SMC2: variants seen among roughly 807,000 people sequenced by gnomAD.
The protein encoded by SMC2 is structural maintenance of chromosomes 2.
A neutral mutation model predicts 142.6 loss-of-function variants in SMC2; 41 were observed. The ratio of observed to expected loss-of-function variants is 0.29; its 90% CI spans 0.22 to 0.37. The LOEUF (loss-of-function observed/expected upper bound fraction) is 0.37. Among genes scored for constraint, SMC2 ranks in the 10% least tolerant of loss-of-function variants. The pLI, the probability that SMC2 is intolerant of heterozygous loss-of-function variation, is 1.00. For missense variants in SMC2, 1,265 were observed against 1,373.7 expected (o/e 0.92, Z 1.25); for synonymous variants, 463 against 457.5 (o/e 1.01, Z -0.15).
At position 104,126,884 on chromosome 9, in the gene SMC2, C is replaced by T. The variant is rs1834356781; in HGVS notation, c.2595+100C>T. Reference sequence around the variant, plus strand: ...CTTTAGTGTTCTCAGTCTTTTCACTCGTCATCATGAGAGAATGAGGCACAA... The same window carrying T: ...CTTTAGTGTTCTCAGTCTTTTCACTTGTCATCATGAGAGAATGAGGCACAA... On this transcript the variant is annotated intron_variant, in intron 19 of 24. Transcript: ENST00000374793. 8 of 1,176,160 alleles carry T rather than the reference C, an allele frequency of 6.8e-6. No individual in the cohort carries two copies. In the Admixed American group the frequency reaches 7.3e-5, roughly 11 times the overall value. 72.9% of individuals were successfully genotyped at this position (1,176,160 alleles called of 1,614,324 possible). A position where few individuals can be genotyped will look rare whatever the true frequency, so the allele number is the denominator to read the frequency against.
chr9:104,137,832 A>AAGAAATAT (rs1835716956), intron 23 of SMC2, among the ~76,000 whole-genome samples, 186 bp from the exon 24 acceptor site: 1 of 142,970 alleles, frequency 7.0e-6, no homozygotes, highest in African/African-American at 3.1e-5. Flanking sequence ...GGAAAGCTAA[A>AAGAAATAT]ATAAAAGAAA....
At position 104,116,226 on chromosome 9, in the gene SMC2, G is replaced by C. The variant is rs374741734; in HGVS notation, c.1698G>C (p.Arg566Ser). The stretch of plus-strand genomic sequence containing the variant: ...TTACTGGTAAAAAGCTACTAGAAAG[G>C]GGGGAACTGAAACGTCGATACACTA... ...TEVTGKKLLE[R>S]GELKRRYTII... The change falls in exon 14 of 25, where the codon AGG becomes AGC. Residue 566 changes from arginine to serine, a missense_variant. Physicochemically the swap from Arg to Ser is moderately radical, Grantham distance 110 (BLOSUM62 -1). Transcript: ENST00000374793. 18 of 1,603,030 alleles carry C rather than the reference G, an allele frequency of 1.1e-5. No individual in the cohort carries two copies. The highest frequency in any genetic ancestry group is 2.3e-5 in the East Asian group (1 of 44,398).
intron 3 of SMC2, 132 bp from the exon 4 acceptor site, chr9:104,098,314 A>G (rs1405070794): frequency 1.1e-5 from 7 of 654,532 alleles, no homozygotes; most frequent in Admixed American, 8.0e-5. Flanking sequence ...TACTTGTTCC[A>G]CTATTTATGC....
chr9:104,118,803 A>G (rs1477718092), intron 15 of SMC2, among the ~76,000 whole-genome samples: 1 of 152,210 alleles, frequency 6.6e-6, no homozygotes, highest in Non-Finnish European at 1.5e-5. Flanking sequence ...GTCACATTTC[A>G]AGAGCCCATA....
chr9:104,118,167 A>G lies in SMC2; in HGVS notation c.1792-4A>G. ...ACTGTGGCATATCTGTTGTTGTCCC[A>G]CAGGTTGGCCCTGACAACGTTCATG... is the stretch of plus-strand genomic sequence containing the variant. On this transcript the variant is annotated splice_region_variant and splice_polypyrimidine_tract_variant and intron_variant, in intron 14 of 24. Coordinates refer to ENST00000374793, the MANE Select transcript of SMC2 (RefSeq NM_006444.3). 1 of 1,613,310 alleles carries G rather than the reference A, an allele frequency of 6.2e-7. No individual in the cohort carries two copies. The highest frequency in any genetic ancestry group is 8.5e-7 in the Non-Finnish European group (1 of 1,179,354).
chr9:104,127,163 A>G lies in SMC2; in HGVS notation c.2596-123A>G, dbSNP rs557032509. On this transcript the variant is annotated intron_variant, in intron 19 of 24. Coordinates refer to ENST00000374793, the MANE Select transcript of SMC2 (RefSeq NM_006444.3). ...GATATAAAATATAGAGGGTTAGGTG[A>G]TCATCTCTCTGCCTGTAATCACATT... 7.3e-6 allele frequency: 5 copies of G among 685,156 alleles called. No homozygotes were observed. In the South Asian group the frequency reaches 9.9e-5, roughly 14 times the overall value. The allele number at this position is 685,156 out of a possible 1,614,324, so 42.4% of individuals were successfully genotyped here.
intron 21 of SMC2, among the ~76,000 whole-genome samples, 174 bp from the exon 22 acceptor site, chr9:104,131,835 C>T (rs1835009109): frequency 6.6e-6 from 1 of 151,622 alleles, no homozygotes; most frequent in Non-Finnish European, 1.5e-5. Context: ...ACACATCATA[C>T]AGTATATGTA....
At chr9:104,094,526 GGCGGGA>G in intron 1 of SMC2, 49 bp downstream of exon 1, 1 of 96,538 alleles carries the variant, frequency 1.0e-5, no homozygotes, top group Non-Finnish European at 2.3e-5. Context: ...CAGACTTCCT[GGCGGGA>G]GGCGGGAGGC....
At chr9:104,136,517 A>G (rs75204626) in intron 23 of SMC2, among the ~76,000 whole-genome samples, 8,534 of 151,968 alleles carry the variant, frequency 0.056, 639 homozygotes, top group African/African-American at 0.18. Flanking sequence ...AATTATTTCC[A>G]TAATTAAGAT....
chr9:104,116,400 C>A, intron 14 of SMC2, 81 bp downstream of exon 14: 3 of 1,321,696 alleles, frequency 2.3e-6, no homozygotes, highest in South Asian at 1.5e-5. Flanking sequence ...TTTTGAGGGA[C>A]ATAATCATAT....
chr9:104,094,110 A>T, upstream of SMC2: 1 of 346,852 alleles, frequency 2.9e-6, no homozygotes. Flanking sequence ...GTGTGAACAT[A>T]CACTATCTGC....
At position 104,111,932 on chromosome 9, in the gene SMC2, G is replaced by A. The variant is rs145645432; in HGVS notation, c.1254+118G>A. On this transcript the variant is annotated intron_variant, in intron 10 of 24. Coordinates refer to ENST00000374793, the MANE Select transcript of SMC2 (RefSeq NM_006444.3). The stretch of plus-strand genomic sequence containing the variant: ...ATAATCAGTCTCAAGGAACTTGTTT[G>A]TTTACTTTATTCTGCAACTCTAATG... The A allele has an allele frequency of 2.8e-4, 205 of 733,930 alleles. No individual in the cohort carries two copies. In the African/African-American group the frequency reaches 3.3e-3, roughly 12 times the overall value. 45.5% of individuals were successfully genotyped at this position (733,930 alleles called of 1,614,324 possible).
chr9:104,131,006 G>A (rs1477918211), intron 21 of SMC2, among the ~76,000 whole-genome samples: 1 of 152,178 alleles, frequency 6.6e-6, no homozygotes, highest in Non-Finnish European at 1.5e-5. Context: ...AAGGTTAGGG[G>A]AGCGTGGCTG....
At chr9:104,137,271 T>G (rs1259378386) in intron 23 of SMC2, among the ~76,000 whole-genome samples, 1 of 152,132 alleles carries the variant, frequency 6.6e-6, no homozygotes, top group East Asian at 1.9e-4. Flanking sequence ...TGTTAAGTAA[T>G]TATACATATT....
intron 14 of SMC2, among the ~76,000 whole-genome samples, chr9:104,117,015 A>C (rs540719709): frequency 6.6e-6 from 1 of 152,196 alleles, no homozygotes; most frequent in African/African-American, 2.4e-5. Context: ...TTAAAAATAT[A>C]CTTGTAACTA....
intron 7 of SMC2, among the ~76,000 whole-genome samples, chr9:104,100,983 G>C (rs776135571): frequency 2.0e-5 from 3 of 152,136 alleles, no homozygotes; most frequent in Non-Finnish European, 4.4e-5. Flanking sequence ...TGTCGCCCAG[G>C]CTGGAGTGCA....
chr9:104,136,575 ACCCTTCAGC>A (rs1835548509), intron 23 of SMC2, among the ~76,000 whole-genome samples: 1 of 152,016 alleles, frequency 6.6e-6, no homozygotes, highest in Non-Finnish European at 1.5e-5. Flanking sequence ...TGGTAGTTAA[ACCCTTCAGC>A]ACAGCAGAAT....
intron 7 of SMC2, among the ~76,000 whole-genome samples, 200 bp downstream of exon 7, chr9:104,100,633 G>C (rs1350171025): frequency 6.6e-6 from 1 of 152,116 alleles, no homozygotes; most frequent in Non-Finnish European, 1.5e-5. Flanking sequence ...GGATATTGGA[G>C]AGTAATTTTT....
chr9:104,106,624 C>T (rs1831820335), intron 9 of SMC2, among the ~76,000 whole-genome samples: 1 of 152,166 alleles, frequency 6.6e-6, no homozygotes. Flanking sequence ...AACTCCCGAC[C>T]TCAGGTGATC....
Sources: gnomAD v4.1 joint callset for allele counts (sites outside exome capture counted in the v4.1 genomes callset) on GRCh38, gnomAD v4.1.1 for gene constraint, MANE v1.5 for transcripts, NCBI Gene and HGNC (gene_info 2026-07-23, HGNC 2026-07-21) for gene names.